The following CHRM3 variants were observed in gnomAD, a reference collection of about 807,000 sequenced individuals.
CHRM3 encodes the protein muscarinic acetylcholine receptor M3.
In CHRM3, 11 loss-of-function variants were observed where a neutral mutation model predicts 41.8. That is an observed-to-expected ratio of 0.26 (90% CI 0.17 to 0.44). CHRM3 has a LOEUF of 0.44. CHRM3 is among the 20% of genes least tolerant of loss of function. The pLI is 1.00. For missense variants in CHRM3, 571 were observed against 745.4 expected, an observed-to-expected ratio of 0.77 and a Z score of 2.72; for synonymous variants, 297 against 301.4, an observed-to-expected ratio of 0.99 and a Z score of 0.15.
intron 3 of CHRM3, chr1:239,546,004 C>T (rs1659254068): frequency 1.3e-5 from 2 of 152,090 alleles, no homozygotes; most frequent in Admixed American, 1.3e-4. Flanking sequence ...AGTATAGCAT[C>T]TTCCCTCTTT....
At chr1:239,633,375 C>T (rs565951097) in intron 4 of CHRM3, among the ~76,000 whole-genome samples, 184 of 152,272 alleles carry the variant, frequency 1.2e-3, no homozygotes, top group Non-Finnish European at 2.2e-3. Flanking sequence ...ATCATGATAA[C>T]AGCATGGGGG....
intron 2 of CHRM3, among the ~76,000 whole-genome samples, chr1:239,510,924 A>G (rs1439710143): frequency 1.3e-5 from 2 of 152,190 alleles, no homozygotes; most frequent in African/African-American, 4.8e-5. Flanking sequence ...AATGCAGAAT[A>G]GATCATGAAA....
chr1:239,502,091 A>G (rs1668279838), intron 2 of CHRM3, among the ~76,000 whole-genome samples: 1 of 152,164 alleles, frequency 6.6e-6, no homozygotes, highest in South Asian at 2.1e-4. Flanking sequence ...GCAGAACTAA[A>G]TGAAATTGAA....
intron 3 of CHRM3, among the ~76,000 whole-genome samples, chr1:239,577,478 C>T (rs982732269): frequency 1.3e-5 from 2 of 152,066 alleles, no homozygotes; most frequent in African/African-American, 4.8e-5. Flanking sequence ...AAAGTGTGGT[C>T]GGGATTGATA....
At chr1:239,674,440 T>G (rs1179200906) in intron 4 of CHRM3, among the ~76,000 whole-genome samples, 5 of 152,070 alleles carry the variant, frequency 3.3e-5, no homozygotes. Flanking sequence ...CTGGGCGCGG[T>G]GGCTCATGCC....
At chr1:239,709,428 C>T (rs10802796) in intron 5 of CHRM3, among the ~76,000 whole-genome samples, 2 of 152,198 alleles carry the variant, frequency 1.3e-5, no homozygotes, top group African/African-American at 2.4e-5. Flanking sequence ...TGTTTTTTTC[C>T]GTAAAGCAGC....
At chr1:239,451,965 G>A (rs1330584108) in intron 1 of CHRM3, among the ~76,000 whole-genome samples, 2 of 152,142 alleles carry the variant, frequency 1.3e-5, no homozygotes, top group African/African-American at 2.4e-5. Context: ...AGACTATGCT[G>A]TATCTATATT....
At chr1:239,433,704 A>G (rs1008967776) in intron 1 of CHRM3, among the ~76,000 whole-genome samples, 5 of 151,780 alleles carry the variant, frequency 3.3e-5, no homozygotes, top group Admixed American at 2.6e-4. Flanking sequence ...ACGAAGACAT[A>G]TGATGTTTGG....
At chr1:239,552,507 T>TATATATATA (rs1553325442) in intron 3 of CHRM3, among the ~76,000 whole-genome samples, 4 of 145,894 alleles carry the variant, frequency 2.7e-5, no homozygotes, top group African/African-American at 1.0e-4. Flanking sequence ...AATATATATT[T>TATATATATA]TATATATATA....
intron 3 of CHRM3, among the ~76,000 whole-genome samples, chr1:239,558,783 G>T (rs950217467): frequency 1.3e-5 from 2 of 152,156 alleles, no homozygotes; most frequent in Admixed American, 1.3e-4. Context: ...CCTTATGTAA[G>T]AATTATGAGT....
chr1:239,775,639 C>T (rs774501593), intron 5 of CHRM3, among the ~76,000 whole-genome samples: 3 of 152,208 alleles, frequency 2.0e-5, no homozygotes, highest in Non-Finnish European at 4.4e-5. Context: ...CCATTTTAGG[C>T]GGCCTGGTGG....
intron 1 of CHRM3, among the ~76,000 whole-genome samples, chr1:239,412,580 G>A (rs889252388): frequency 6.6e-6 from 1 of 151,320 alleles, no homozygotes; most frequent in Non-Finnish European, 1.5e-5. Flanking sequence ...GATGAAATGA[G>A]TATATGTGTG....
intron 2 of CHRM3, among the ~76,000 whole-genome samples, chr1:239,530,798 CA>C (rs572919639): frequency 2.6e-5 from 4 of 151,134 alleles, no homozygotes; most frequent in East Asian, 3.9e-4. Context: ...TGAAAAACAA[CA>C]AAAAAAAAGA....
intron 2 of CHRM3, among the ~76,000 whole-genome samples, chr1:239,533,744 A>AC (rs1030403447): frequency 1.3e-5 from 2 of 149,360 alleles, no homozygotes; most frequent in African/African-American, 4.9e-5. Flanking sequence ...AAAAAAAAAA[A>AC]AAAAAACAAA....
At position 239,910,342 on chromosome 1, in the gene CHRM3, C is replaced by CAA. The variant is rs373028645; in HGVS notation, c.*1128_*1129dup. On this transcript the variant is annotated 3_prime_UTR_variant, in exon 7 of 7. Transcript: ENST00000676153. The stretch of plus-strand genomic sequence containing the variant: ...GTGTATATATATATATATGGCAAAG[C>CAA]AAAAAAAAAAACATGGTAAGAGAGA... The CAA allele has an allele frequency of 0.015, 2,085 of 143,272 alleles. 24 individuals are homozygous for CAA. The highest frequency in any genetic ancestry group is 0.031 in the South Asian group (128 of 4,174). The allele number at this position is 143,272 out of a possible 1,614,324, so 8.9% of individuals were successfully genotyped here.
chr1:239,404,382 A>AAGAAAGAAAGAAAGAAAGAAAG (rs1660294774), intron 1 of CHRM3, among the ~76,000 whole-genome samples: 1 of 78,458 alleles, frequency 1.3e-5, no homozygotes, highest in African/African-American at 5.3e-5. Flanking sequence ...GAAAGAAAGA[A>AAGAAAGAAAGAAAGAAAGAAAG]AGAAAGAAAG....
At chr1:239,895,683 T>C (rs1052398083) in intron 6 of CHRM3, among the ~76,000 whole-genome samples, 1 of 152,196 alleles carries the variant, frequency 6.6e-6, no homozygotes, top group Non-Finnish European at 1.5e-5. Flanking sequence ...TGGATGAAGC[T>C]GAAAGCCATT....
intron 5 of CHRM3, among the ~76,000 whole-genome samples, chr1:239,826,559 A>C (rs906538249): frequency 3.3e-5 from 5 of 152,224 alleles, no homozygotes; most frequent in African/African-American, 1.2e-4. Context: ...GCAAATATGC[A>C]AAAAAATTAC....
At chr1:239,554,468 GTGTA>G (rs751235310) in intron 3 of CHRM3, among the ~76,000 whole-genome samples, 44 of 151,822 alleles carry the variant, frequency 2.9e-4, no homozygotes, top group South Asian at 1.7e-3. Flanking sequence ...GTGTGTGTGT[GTGTA>G]TGTGTGTGCA....
Sources: allele counts gnomAD v4.1 joint callset (sites outside exome capture counted in the v4.1 genomes callset), GRCh38; gene constraint gnomAD v4.1.1; transcripts MANE v1.5; gene names NCBI Gene and HGNC (gene_info 2026-07-23, HGNC 2026-07-21).